The following DLGAP2 variants were observed in gnomAD, a reference collection of about 807,000 sequenced individuals.
DLGAP2 encodes DLG associated protein 2.
In DLGAP2, 26 loss-of-function variants were observed where a neutral mutation model predicts 100.3. That is an observed-to-expected ratio of 0.26 (90% CI 0.19 to 0.36). The LOEUF (loss-of-function observed/expected upper bound fraction) is 0.36, where lower values mean the gene tolerates loss of function less well. Ranked by LOEUF, DLGAP2 falls within the 10% of genes least tolerant of loss-of-function variation. The pLI, the probability that DLGAP2 is intolerant of heterozygous loss-of-function variation, is 1.00. For synonymous variants in DLGAP2, 886 were observed against 630.1 expected (o/e 1.41, Z -6.08); for missense variants, 1,858 against 1,453.2 (o/e 1.28, Z -4.53).
intron 2 of DLGAP2, among the ~76,000 whole-genome samples, chr8:1,043,392 G>T (rs1049200447): frequency 1.3e-5 from 2 of 151,572 alleles, no homozygotes; most frequent in Non-Finnish European, 2.9e-5. Context: ...GGTGGTGGAC[G>T]TAGGTGGTGG....
chr8:999,213 C>A (rs191799121), intron 2 of DLGAP2, among the ~76,000 whole-genome samples: 3 of 151,914 alleles, frequency 2.0e-5, no homozygotes, highest in African/African-American at 7.2e-5. Context: ...TTTCTCCTCC[C>A]GTGTCGGTGG....
chr8:911,306 G>T (rs926209338), intron 2 of DLGAP2, among the ~76,000 whole-genome samples: 3 of 152,024 alleles, frequency 2.0e-5, no homozygotes, highest in Admixed American at 2.0e-4. Flanking sequence ...GGAGAATCTT[G>T]GAAGGATGCG....
intron 2 of DLGAP2, among the ~76,000 whole-genome samples, chr8:1,192,471 C>T (rs1797660378): frequency 6.6e-6 from 1 of 152,006 alleles, no homozygotes; most frequent in Non-Finnish European, 1.5e-5. Context: ...CTATGAACTG[C>T]AGTCACCGTG....
intron 4 of DLGAP2, among the ~76,000 whole-genome samples, chr8:1,538,589 G>A (rs1289529752): frequency 1.3e-5 from 2 of 152,158 alleles, no homozygotes; most frequent in South Asian, 2.1e-4. Flanking sequence ...CAGATAGGGA[G>A]GGGCTTATGT....
In DLGAP2 at chr8:1,414,556, G is replaced by A. The variant is rs372840737; in HGVS notation, c.107-86810G>A. ...GGGACTGACCGGGCTGTGGGTCCCA[G>A]TGCAGAGTCCACACCAGAGTGGAGG... On this transcript the variant is annotated intron_variant, in intron 3 of 14. Transcript: ENST00000637795. Among the ~76,000 whole-genome samples, 15 of 152,240 alleles carry A rather than the reference G, an allele frequency of 9.9e-5. No homozygotes were observed. The East Asian group carries it at 2.5e-3, about 25-fold the overall frequency.
chr8:1,101,675 G>C (rs950456261), intron 2 of DLGAP2, among the ~76,000 whole-genome samples: 1 of 149,408 alleles, frequency 6.7e-6, no homozygotes, highest in East Asian at 2.0e-4. Flanking sequence ...CCCCTGAGCC[G>C]AACACGACAC....
In DLGAP2 at chr8:1,685,591, A is replaced by G. The variant is rs189808230; in HGVS notation, c.2705-5944A>G. On this transcript the variant is annotated intron_variant, in intron 12 of 14. Coordinates refer to ENST00000637795, the MANE Select transcript of DLGAP2 (RefSeq NM_001346810.2). The stretch of plus-strand genomic sequence containing the variant: ...CTAAATGGTCATGGGGAAATCAGAC[A>G]ATAAAAAGACATGGATGCTTGTCAG... Among the ~76,000 whole-genome samples, 161 of 152,342 alleles carry G rather than the reference A, an allele frequency of 1.1e-3. 1 individual carries two copies. The highest frequency in any genetic ancestry group is 3.6e-3 in the African/African-American group (151 of 41,586).
intron 3 of DLGAP2, among the ~76,000 whole-genome samples, chr8:1,358,045 G>A (rs1197015044): frequency 6.6e-6 from 1 of 152,178 alleles, no homozygotes; most frequent in East Asian, 1.9e-4. Flanking sequence ...CAGCTGGCAG[G>A]TGCTCCAGGA....
At chr8:1,508,218 C>T (rs1177990337) in intron 4 of DLGAP2, among the ~76,000 whole-genome samples, 1 of 151,610 alleles carries the variant, frequency 6.6e-6, no homozygotes, top group Non-Finnish European at 1.5e-5. Flanking sequence ...TCCTAAACAT[C>T]ACGCGTCCCA....
intron 6 of DLGAP2, among the ~76,000 whole-genome samples, chr8:1,594,218 C>G (rs1030732743): frequency 6.6e-6 from 1 of 152,106 alleles, no homozygotes; most frequent in African/African-American, 2.4e-5. Context: ...AAAATGAAAA[C>G]TCAGGCAAAG....
At chr8:1,360,257 C>T (rs1262122335) in intron 3 of DLGAP2, among the ~76,000 whole-genome samples, 2 of 82,684 alleles carry the variant, frequency 2.4e-5, no homozygotes, top group African/African-American at 9.5e-5. Flanking sequence ...CGGGGCGGGG[C>T]TTCTCCGGGG....
In DLGAP2 at chr8:1,524,623, C is replaced by T. The variant is rs527980423; in HGVS notation, c.172+23192C>T. On this transcript the variant is annotated intron_variant, in intron 4 of 14. Transcript: ENST00000637795. ...GTCATCCCTCCGTGCGTTTTTGTGT[C>T]CCCATATCATCTTCTCAAAAAAATA... Among the ~76,000 whole-genome samples the T allele has an allele frequency of 5.9e-5, 9 of 152,082 alleles. No homozygotes were observed. In the South Asian group the frequency reaches 1.5e-3, roughly 25 times the overall value.
chr8:1,134,334 T>C (rs1796358593), intron 2 of DLGAP2, among the ~76,000 whole-genome samples: 1 of 152,240 alleles, frequency 6.6e-6, no homozygotes, highest in Middle Eastern at 3.2e-3. Context: ...TGTATATTCC[T>C]TTGGGTTTAT....
Position 1,531,124 on chromosome 8 carries a change from C to A in DLGAP2, c.173-17502C>A, listed in dbSNP as rs548951468. ...CCTTGAAAGTGCTGAAACTTTGTTT[C>A]TTTTTTAAGTTTATTTTTGAAGCAA... On this transcript the variant is annotated intron_variant, in intron 4 of 14. Coordinates refer to ENST00000637795, the MANE Select transcript of DLGAP2 (RefSeq NM_001346810.2). Among the ~76,000 whole-genome samples the A allele has an allele frequency of 1.4e-3, 214 of 152,084 alleles. 1 individual carries two copies. Among genetic ancestry groups the A allele is most frequent in the African/African-American group, 5.0e-3 (207 of 41,490 alleles).
At chr8:1,227,296 T>G (rs1191441277) in intron 2 of DLGAP2, among the ~76,000 whole-genome samples, 3 of 147,598 alleles carry the variant, frequency 2.0e-5, no homozygotes, top group Non-Finnish European at 4.4e-5. Context: ...AATGCCTTTC[T>G]TTTTCTCCTT....
At chr8:1,108,276 A>G (rs957067601) in intron 2 of DLGAP2, among the ~76,000 whole-genome samples, 5 of 152,250 alleles carry the variant, frequency 3.3e-5, no homozygotes, top group Admixed American at 6.5e-5. Flanking sequence ...TGTTTCCCCA[A>G]TCTATGGGGA....
At chr8:1,481,538 G>A (rs1293117770) in intron 3 of DLGAP2, among the ~76,000 whole-genome samples, 3 of 131,474 alleles carry the variant, frequency 2.3e-5, no homozygotes, top group Admixed American at 9.3e-5. Flanking sequence ...GAGTGCAGTG[G>A]TATGATCTTG....
At chr8:854,597 G>GCATGCATGTGTGTGCATGTT (rs58906534) in intron 1 of DLGAP2, among the ~76,000 whole-genome samples, 1,988 of 151,960 alleles carry the variant, frequency 0.013, 47 homozygotes, top group African/African-American at 0.047. Context: ...TGTTGTATGT[G>GCATGCATGTGTGTGCATGTT]CATGCATGTG....
intron 5 of DLGAP2, among the ~76,000 whole-genome samples, chr8:1,558,745 C>G (rs1802059113): frequency 6.6e-6 from 1 of 151,568 alleles, no homozygotes; most frequent in Non-Finnish European, 1.5e-5. Flanking sequence ...CACACATAGG[C>G]ATGCATGCAC....
Sources: gnomAD v4.1 joint callset for allele counts (sites outside exome capture counted in the v4.1 genomes callset) on GRCh38, gnomAD v4.1.1 for gene constraint, MANE v1.5 for transcripts, NCBI Gene and HGNC (gene_info 2026-07-23, HGNC 2026-07-21) for gene names.